MTCL2: variants seen among roughly 807,000 people sequenced by gnomAD.
MTCL2 encodes microtubule crosslinking factor 2.
At chr20:36,826,886 T>G in the MTCL2 span, among the ~76,000 whole-genome samples, 1 of 152,222 alleles carries the variant, frequency 6.6e-6, no homozygotes, top group Non-Finnish European at 1.5e-5. Context: ...CTGGATCATA[T>G]GATTGTTCTA....
the MTCL2 span, among the ~76,000 whole-genome samples, chr20:36,803,946 G>C: frequency 1.8e-5 from 2 of 112,130 alleles, no homozygotes; most frequent in East Asian, 5.5e-4. Context: ...GACACAGTGA[G>C]ATGCCGTCTC....
At chr20:36,793,777 G>A in the MTCL2 span, 5 of 1,541,084 alleles carry the variant, frequency 3.2e-6, no homozygotes, top group Non-Finnish European at 4.4e-6. The surrounding 1 kb of genome is among the most constrained non-coding windows in gnomAD (Gnocchi z 6.8). Context: ...ACTTGGGGGA[G>A]CAGCAGGGCC....
the MTCL2 span, among the ~76,000 whole-genome samples, chr20:36,860,244 C>CA: frequency 6.6e-6 from 1 of 152,196 alleles, no homozygotes; most frequent in Non-Finnish European, 1.5e-5. Context: ...GACCCTCACT[C>CA]AGTTGGCTCC....
chr20:36,839,862 C>CT, the MTCL2 span, among the ~76,000 whole-genome samples: 3 of 152,016 alleles, frequency 2.0e-5, no homozygotes, highest in Non-Finnish European at 2.9e-5. The surrounding 1 kb of genome is among the most constrained non-coding windows in gnomAD (Gnocchi z 5.1). Context: ...ATCTGGTGTT[C>CT]ATTTTTTTGT....
chr20:36,830,320 C>CTT, the MTCL2 span, among the ~76,000 whole-genome samples: 7 of 152,182 alleles, frequency 4.6e-5, no homozygotes, highest in African/African-American at 1.7e-4. Flanking sequence ...GAATCCCACA[C>CTT]TTTGAGAGGC....
chr20:36,830,448 G>C, the MTCL2 span, among the ~76,000 whole-genome samples: 6 of 152,064 alleles, frequency 3.9e-5, no homozygotes, highest in East Asian at 1.9e-4. Flanking sequence ...CACACCTACA[G>C]GCCCAACTAC....
the MTCL2 span, among the ~76,000 whole-genome samples, chr20:36,825,923 A>C: frequency 2.0e-5 from 3 of 152,016 alleles, no homozygotes; most frequent in South Asian, 4.1e-4. Context: ...TTGAGCACCT[A>C]CTCTGTACCA....
the MTCL2 span, among the ~76,000 whole-genome samples, chr20:36,855,993 G>C: frequency 6.6e-6 from 1 of 152,166 alleles, no homozygotes; most frequent in Admixed American, 6.5e-5. Context: ...GGTGGCTGCA[G>C]CTTTGCTGCA....
chr20:36,863,222 G>A, the MTCL2 span: 2 of 1,207,130 alleles, frequency 1.7e-6, no homozygotes, highest in Admixed American at 4.4e-5. This position sits in a 1 kb window ranked among gnomAD's most constrained non-coding sequence, Gnocchi z 6.2. Context: ...AGCCGGCCAC[G>A]TCTTTGGGCC....
the MTCL2 span, among the ~76,000 whole-genome samples, chr20:36,813,593 G>T: frequency 7.3e-5 from 11 of 151,044 alleles, no homozygotes; most frequent in Admixed American, 1.3e-4. Context: ...AATTAGCCAG[G>T]TGTGGTGGGG....
the MTCL2 span, among the ~76,000 whole-genome samples, chr20:36,859,152 A>G: frequency 7.2e-5 from 11 of 152,334 alleles, no homozygotes; most frequent in South Asian, 1.7e-3. Context: ...TAACTTGCCC[A>G]TGGCCACACA....
At chr20:36,827,679 G>C in the MTCL2 span, among the ~76,000 whole-genome samples, 9 of 152,208 alleles carry the variant, frequency 5.9e-5, no homozygotes, top group African/African-American at 1.7e-4. Context: ...TAAAGAAACT[G>C]AGACTTAGAG....
chr20:36,777,670 G>A, the MTCL2 span: 1 of 485,352 alleles, frequency 2.1e-6, no homozygotes, highest in Non-Finnish European at 3.7e-6. Context: ...TTGGCCCAAG[G>A]ATGCCCTTGG....
chr20:36,838,968 T>A, the MTCL2 span, among the ~76,000 whole-genome samples: 65 of 133,326 alleles, frequency 4.9e-4, 1 homozygote, highest in African/African-American at 1.7e-3. Context: ...AAACTCTGTC[T>A]CAAAGGAAAA....
the MTCL2 span, chr20:36,794,769 C>CTT: frequency 1.3e-3 from 857 of 637,654 alleles, no homozygotes; most frequent in Middle Eastern, 2.0e-3. The surrounding 1 kb of genome is among the most constrained non-coding windows in gnomAD (Gnocchi z 5.4). Context: ...TCTGCATTTT[C>CTT]TTTTTTTTTT....
At chr20:36,795,944 G>A in the MTCL2 span, among the ~76,000 whole-genome samples, 1 of 152,180 alleles carries the variant, frequency 6.6e-6, no homozygotes, top group Non-Finnish European at 1.5e-5. Context: ...TAAGCTGCAT[G>A]TTCTCCTCTG....
At chr20:36,779,977 G>A in the MTCL2 span, 1 of 152,282 alleles carries the variant, frequency 6.6e-6, no homozygotes, top group Non-Finnish European at 1.5e-5. Flanking sequence ...AAGAATGGGT[G>A]AGTGGTGGGA....
the MTCL2 span, chr20:36,815,577 G>A: frequency 6.3e-7 from 1 of 1,574,824 alleles, no homozygotes. The surrounding 1 kb of genome is among the most constrained non-coding windows in gnomAD (Gnocchi z 5.3). Flanking sequence ...AGAGTCCCCG[G>A]CCTCGGCGTC....
At chr20:36,810,248 G>T in the MTCL2 span, 1 of 1,016,132 alleles carries the variant, frequency 9.8e-7, no homozygotes, top group Non-Finnish European at 1.4e-6. Flanking sequence ...CAGGCAGAAT[G>T]ACTGTCCCCA....
Sources: gnomAD v4.1 joint callset for allele counts (sites outside exome capture counted in the v4.1 genomes callset) on GRCh38, gnomAD v4.1.1 for gene constraint, Gnocchi (gnomAD v3.1) non-coding constraint, MANE v1.5 for transcripts, NCBI Gene and HGNC (gene_info 2026-07-23, HGNC 2026-07-21) for gene names.